XPO1: variants seen among roughly 807,000 people sequenced by gnomAD.
The protein encoded by XPO1 is exportin 1.
In XPO1, 5 loss-of-function variants were observed where a neutral mutation model predicts 133.3. That is an observed-to-expected ratio of 0.04 (90% CI 0.02 to 0.08). The LOEUF (loss-of-function observed/expected upper bound fraction) is 0.08. Among genes scored for constraint, XPO1 ranks in the 10% least tolerant of loss-of-function variants. XPO1 has a pLI of 1.00. For missense variants in XPO1, 506 were observed against 1,267.5 expected, an observed-to-expected ratio of 0.40 and a Z score of 9.12; for synonymous variants, 419 against 408.2, an observed-to-expected ratio of 1.03 and a Z score of -0.32.
At chr2:61,482,600 TTTTTTTG>T (rs1696443599) in intron 22 of XPO1, 61 bp from the exon 23 acceptor site, 18 of 1,334,850 alleles carry the variant, frequency 1.3e-5, no homozygotes, top group Admixed American at 3.2e-5. Flanking sequence ...TCTTAGCGTT[TTTTTTTG>T]TTTTGTTTTT....
intron 4 of XPO1, among the ~76,000 whole-genome samples, chr2:61,517,181 G>C (rs1698435274): frequency 6.6e-6 from 1 of 152,162 alleles, no homozygotes; most frequent in Non-Finnish European, 1.5e-5. Context: ...GATTACAGGT[G>C]TAAGCCACCA....
intron 4 of XPO1, among the ~76,000 whole-genome samples, chr2:61,515,048 G>A (rs1243335080): frequency 2.8e-5 from 4 of 142,336 alleles, no homozygotes; most frequent in South Asian, 2.3e-4. Flanking sequence ...CAGCCTGGGC[G>A]ACAGAGTAGT....
chr2:61,499,636 A>G lies in XPO1; in HGVS notation c.590+77T>C. 8 of 1,348,418 alleles carry G rather than the reference A, an allele frequency of 5.9e-6. No individual in the cohort carries two copies. The South Asian group carries it at 9.1e-5, about 15-fold the overall frequency. 83.5% of individuals were successfully genotyped at this position (1,348,418 alleles called of 1,614,324 possible). ...ATTACTGATCATAGTTCCTTAAAAT[A>G]TCTACAATTTACATCCAAACTGCTT... On this transcript the variant is annotated intron_variant, in intron 7 of 24. Coordinates refer to ENST00000401558, the MANE Select transcript of XPO1 (RefSeq NM_003400.4).
intron 2 of XPO1, among the ~76,000 whole-genome samples, chr2:61,532,507 T>C (rs1699200346): frequency 6.6e-6 from 1 of 151,984 alleles, no homozygotes; most frequent in African/African-American, 2.4e-5. Flanking sequence ...AACATTTATC[T>C]AACCAGAAAT....
Position 61,526,527 on chromosome 2 carries a change from A to T in XPO1, c.127-6T>A. 1 of 1,549,910 alleles carries T rather than the reference A, an allele frequency of 6.5e-7. No homozygotes were observed. The highest frequency in any genetic ancestry group is 1.3e-5 in the South Asian group (1 of 79,646). On this transcript the variant is annotated splice_polypyrimidine_tract_variant and splice_region_variant and intron_variant, in intron 2 of 24. Transcript: ENST00000401558. ...ACTTCTTGAGCCATTCTTTGCTAAA[A>T]TATTATTAAAAAAAACAAAACTTAA...
chr2:61,532,530 C>T (rs1429205006), intron 2 of XPO1, among the ~76,000 whole-genome samples: 1 of 151,832 alleles, frequency 6.6e-6, no homozygotes, highest in African/African-American at 2.4e-5. Context: ...ACTGTTCTGG[C>T]AACAAAACTA....
In XPO1 at chr2:61,498,853, A is replaced by T. The variant is rs2104493359; in HGVS notation, c.639+12T>A. The T allele has an allele frequency of 6.2e-7, 1 of 1,606,684 alleles. No individual in the cohort carries two copies. Among genetic ancestry groups the T allele is most frequent in the South Asian group, 1.1e-5 (1 of 89,562 alleles). On this transcript the variant is annotated intron_variant, in intron 8 of 24. Coordinates refer to ENST00000401558, the MANE Select transcript of XPO1 (RefSeq NM_003400.4). ...TATTATTGTTTTTAAAAATGAAATT[A>T]AAAACACTTACCATTACAAACTGAC...
chr2:61,520,467 A>G (rs1698634972), intron 4 of XPO1, among the ~76,000 whole-genome samples: 1 of 151,700 alleles, frequency 6.6e-6, no homozygotes, highest in African/African-American at 2.4e-5. Context: ...ACACAGCGAG[A>G]CACCATCCCT....
chr2:61,486,914 A>ATGC (rs1288310985), intron 19 of XPO1, among the ~76,000 whole-genome samples: 1 of 151,992 alleles, frequency 6.6e-6, no homozygotes, highest in Non-Finnish European at 1.5e-5. Context: ...TTACAGGTGC[A>ATGC]TGCTACAATG....
chr2:61,526,067 C>T, intron 3 of XPO1: 2 of 1,091,154 alleles, frequency 1.8e-6, no homozygotes, highest in Non-Finnish European at 2.2e-6. Flanking sequence ...AGGTGCCTGG[C>T]CTGTATTATA....
rs1491371438 is a variant in XPO1, at chr2:61,515,936, ACC to A, written c.301+6673_301+6674del. On this transcript the variant is annotated intron_variant, in intron 4 of 24. Coordinates refer to ENST00000401558, the MANE Select transcript of XPO1 (RefSeq NM_003400.4). ...ATCTCTACTAAAAAAAAAAAAAAAAACCACACACACACACACACACACACACA... is the reference window on the plus strand; with the variant it reads ...ATCTCTACTAAAAAAAAAAAAAAAAAACACACACACACACACACACACACA... 4.6e-3 allele frequency among the ~76,000 whole-genome samples: 448 copies of A among 98,084 alleles called. 2 individuals carry two copies. The highest frequency in any genetic ancestry group is 8.7e-3 in the African/African-American group (185 of 21,190). The allele number at this position is 98,084 out of a possible 152,430, so 64.3% of individuals were successfully genotyped here.
rs1451308768 is a variant in XPO1, at chr2:61,485,795, A to G, written c.2481T>C (p.Phe827=). Residue 827 remains phenylalanine (F), a synonymous_variant, in exon 20 of 25, where the codon TTT becomes TTC. Transcript: ENST00000401558. The part of the protein sequence containing the change: ...AEIPQIFDAV[F]ECTLNMINKD... Reference sequence around the variant, plus strand: ...TATTTATCATATTCAATGTGCATTCAAAAACAGCATCAAATATTTGAGGTA... The same window carrying G: ...TATTTATCATATTCAATGTGCATTCGAAAACAGCATCAAATATTTGAGGTA... 1 of 1,612,928 alleles carries G rather than the reference A, an allele frequency of 6.2e-7. No homozygotes were observed.
At chr2:61,526,645 GAA>G (rs1698914627) in intron 2 of XPO1, 124 bp from the exon 3 acceptor site, 10 of 625,672 alleles carry the variant, frequency 1.6e-5, no homozygotes, top group Non-Finnish European at 2.2e-5. Context: ...TTGATGTTCA[GAA>G]ATACTCAAAA....
chr2:61,493,093 G>T, intron 12 of XPO1, 40 bp from the exon 13 acceptor site: 1 of 1,528,098 alleles, frequency 6.5e-7, no homozygotes, highest in Non-Finnish European at 8.7e-7. Flanking sequence ...AAAATCGTTA[G>T]ATCACTGAAA....
intron 2 of XPO1, among the ~76,000 whole-genome samples, chr2:61,527,533 T>A (rs1698960281): frequency 6.6e-6 from 1 of 152,136 alleles, no homozygotes; most frequent in Non-Finnish European, 1.5e-5. Flanking sequence ...AGTTATGTAA[T>A]GTAGCAGGAC....
At chr2:61,526,365 A>G in intron 3 of XPO1, 55 bp downstream of exon 3, 1 of 1,565,436 alleles carries the variant, frequency 6.4e-7, no homozygotes, top group Non-Finnish European at 8.6e-7. Context: ...ACCTTCCTCA[A>G]AGTTTATGAC....
Position 61,495,520 on chromosome 2 carries a change from T to C in XPO1, c.982A>G (p.Thr328Ala). The C allele has an allele frequency of 6.3e-7, 1 of 1,595,436 alleles. No individual in the cohort carries two copies. The highest frequency in any genetic ancestry group is 8.6e-7 in the Non-Finnish European group (1 of 1,167,838). ...FIQNLSLFLC[T>A]FLKEHDQLIE... Reference sequence around the variant, plus strand: ...AGTTGATCATGTTCCTTAAGAAAGGTGCAGAGAAACAAACTGAGATTTTGA... The same window carrying C: ...AGTTGATCATGTTCCTTAAGAAAGGCGCAGAGAAACAAACTGAGATTTTGA... Residue 328 changes from threonine to alanine, a missense_variant, in exon 11 of 25, where the codon ACC becomes GCC. This residue lies in a region of XPO1 where 134 missense variants were observed against 261.6 expected (regional missense o/e 0.51). Coordinates refer to ENST00000401558, the MANE Select transcript of XPO1 (RefSeq NM_003400.4).
At chr2:61,512,817 G>C (rs1455631695) in intron 4 of XPO1, among the ~76,000 whole-genome samples, 1 of 152,186 alleles carries the variant, frequency 6.6e-6, no homozygotes, top group African/African-American at 2.4e-5. Flanking sequence ...GAGACTGGCG[G>C]ATCACTTGAG....
At chr2:61,479,040 T>C (rs1428822341) in intron 24 of XPO1, 74 bp from the exon 25 acceptor site, 1 of 1,541,940 alleles carries the variant, frequency 6.5e-7, no homozygotes, top group African/African-American at 1.4e-5. Flanking sequence ...AGATGAGCAA[T>C]TTCCTTTTTA....
Sources: allele counts gnomAD v4.1 joint callset (sites outside exome capture counted in the v4.1 genomes callset), GRCh38; gene constraint gnomAD v4.1.1; regional missense constraint gnomAD v4.1.1; transcripts MANE v1.5; gene names NCBI Gene and HGNC (gene_info 2026-07-23, HGNC 2026-07-21).